SEL1L2: variants seen among roughly 807,000 people sequenced by gnomAD.
The protein encoded by SEL1L2 is protein sel-1 homolog 2.
Under a neutral mutation model 98.8 loss-of-function variants are expected in SEL1L2, and 89 were observed. The ratio of observed to expected loss-of-function variants is 0.90; its 90% CI spans 0.76 to 1.07. SEL1L2 has a LOEUF of 1.07. Among genes scored for constraint, SEL1L2 ranks in the 50% least tolerant of loss-of-function variants. SEL1L2 has a pLI of 0.00. For synonymous variants in SEL1L2, 262 were observed against 278.5 expected, an observed-to-expected ratio of 0.94 and a Z score of 0.59; for missense variants, 788 against 812.0, an observed-to-expected ratio of 0.97 and a Z score of 0.36.
intron 3 of SEL1L2, among the ~76,000 whole-genome samples, chr20:13,930,083 C>T (rs2049076089): frequency 6.6e-6 from 1 of 152,204 alleles, no homozygotes; most frequent in South Asian, 2.1e-4. Context: ...AGGCAATGGC[C>T]ACCGGCCTTC....
intron 2 of SEL1L2, among the ~76,000 whole-genome samples, chr20:13,941,883 C>A (rs952828673): frequency 7.9e-5 from 12 of 152,164 alleles, no homozygotes; most frequent in African/African-American, 2.9e-4. Context: ...TCTTTGCCTG[C>A]CAGTCACTTA....
intron 1 of SEL1L2, among the ~76,000 whole-genome samples, chr20:13,981,996 T>G (rs768365456): frequency 2.6e-5 from 4 of 152,180 alleles, no homozygotes; most frequent in Non-Finnish European, 5.9e-5. Context: ...GGCTTGGTCT[T>G]TATGTGGCCT....
At chr20:13,969,166 G>A (rs2051176750) in intron 1 of SEL1L2, among the ~76,000 whole-genome samples, 1 of 152,220 alleles carries the variant, frequency 6.6e-6, no homozygotes. Context: ...ACTAGTTGAA[G>A]TGGCTGAAAT....
intron 1 of SEL1L2, among the ~76,000 whole-genome samples, chr20:13,988,239 T>A (rs890941458): frequency 2.0e-5 from 3 of 152,242 alleles, no homozygotes; most frequent in African/African-American, 7.2e-5. Flanking sequence ...GTTCTCGCTA[T>A]GTTGACCAGG....
At chr20:13,982,655 C>T (rs2051895866) in intron 1 of SEL1L2, among the ~76,000 whole-genome samples, 1 of 151,440 alleles carries the variant, frequency 6.6e-6, no homozygotes, top group African/African-American at 2.4e-5. Context: ...AGATGGGAGA[C>T]AGGACCCTGG....
In SEL1L2 at chr20:13,859,060, A is replaced by C. The variant is rs57864209; in HGVS notation, c.1818+202T>G. 1.9e-4 allele frequency among the ~76,000 whole-genome samples: 29 copies of C among 152,386 alleles called. No individual in the cohort carries two copies. Among genetic ancestry groups the C allele is most frequent in the African/African-American group, 6.7e-4 (28 of 41,594 alleles). On this transcript the variant is annotated intron_variant, in intron 18 of 19. Transcript: ENST00000284951. ...ACTCACCAGTTATGTCCTTGGCATA[A>C]ATGGAGAAAATAACTTCTATCTCAT... is the stretch of plus-strand genomic sequence containing the variant.
intron 5 of SEL1L2, among the ~76,000 whole-genome samples, chr20:13,895,137 T>C (rs1468769411): frequency 3.3e-5 from 5 of 152,176 alleles, no homozygotes; most frequent in African/African-American, 9.7e-5. Flanking sequence ...AATACAAGAA[T>C]GTTTCAACAT....
At chr20:13,903,560 A>G (rs2047780358) in intron 5 of SEL1L2, among the ~76,000 whole-genome samples, 1 of 152,180 alleles carries the variant, frequency 6.6e-6, no homozygotes, top group African/African-American at 2.4e-5. Flanking sequence ...TGACTAGTCG[A>G]AGAAGTATTT....
At chr20:13,919,551 AACATGAGG>A (rs1211634175) in intron 3 of SEL1L2, among the ~76,000 whole-genome samples, 70 of 152,036 alleles carry the variant, frequency 4.6e-4, no homozygotes, top group Admixed American at 4.6e-3. Context: ...ATTCCAAAAA[AACATGAGG>A]ACATGGGCAA....
intron 5 of SEL1L2, among the ~76,000 whole-genome samples, chr20:13,896,909 C>A (rs1284864487): frequency 6.6e-6 from 1 of 152,052 alleles, no homozygotes; most frequent in Non-Finnish European, 1.5e-5. Flanking sequence ...AAAACCCATC[C>A]TAAAATTTAT....
chr20:13,868,212 A>T (rs1435462249), intron 14 of SEL1L2, among the ~76,000 whole-genome samples: 1 of 151,182 alleles, frequency 6.6e-6, no homozygotes, highest in Non-Finnish European at 1.5e-5. Context: ...CCATTCCCCC[A>T]TACTTAGATT....
At chr20:13,926,519 C>T (rs1555885915) in intron 3 of SEL1L2, among the ~76,000 whole-genome samples, 1 of 151,900 alleles carries the variant, frequency 6.6e-6, no homozygotes, top group Non-Finnish European at 1.5e-5. Context: ...GTTAGATGAT[C>T]CTGCCTTCAT....
chr20:13,961,045 A>G (rs1254959908), intron 1 of SEL1L2, among the ~76,000 whole-genome samples: 2 of 152,190 alleles, frequency 1.3e-5, no homozygotes, highest in Admixed American at 6.5e-5. Flanking sequence ...GATTCTTTAG[A>G]TACTTTATCT....
chr20:13,918,862 T>C (rs2048523088), intron 4 of SEL1L2, among the ~76,000 whole-genome samples, 159 bp downstream of exon 4: 1 of 152,222 alleles, frequency 6.6e-6, no homozygotes, highest in African/African-American at 2.4e-5. Flanking sequence ...ATTTGTGGGA[T>C]TCTTTAAACA....
chr20:13,867,713 T>A (rs1179126218), intron 14 of SEL1L2, among the ~76,000 whole-genome samples: 1 of 152,064 alleles, frequency 6.6e-6, no homozygotes, highest in Non-Finnish European at 1.5e-5. Flanking sequence ...AGTTAAAACA[T>A]ACGAAATGAG....
At chr20:13,977,358 AG>A (rs770586118) in intron 1 of SEL1L2, among the ~76,000 whole-genome samples, 83 of 152,208 alleles carry the variant, frequency 5.5e-4, no homozygotes, top group Non-Finnish European at 1.1e-3. Flanking sequence ...ACAGAGGAAG[AG>A]GGAAAAAGAA....
intron 1 of SEL1L2, among the ~76,000 whole-genome samples, chr20:13,965,659 A>T (rs2148487937): frequency 6.6e-6 from 1 of 152,156 alleles, no homozygotes; most frequent in South Asian, 2.1e-4. Context: ...CTCCTTAAAA[A>T]CCTACAAGTC....
At chr20:13,984,973 G>C (rs553112815) in intron 1 of SEL1L2, among the ~76,000 whole-genome samples, 1 of 151,960 alleles carries the variant, frequency 6.6e-6, no homozygotes, top group East Asian at 1.9e-4. Flanking sequence ...TGCTCTTCTA[G>C]CTATTTGAAA....
At chr20:13,875,148 G>A (rs2046377439) in intron 12 of SEL1L2, among the ~76,000 whole-genome samples, 1 of 152,192 alleles carries the variant, frequency 6.6e-6, no homozygotes, top group African/African-American at 2.4e-5. Flanking sequence ...ACTGGCCCCA[G>A]ACTGCAAAAG....
Sources: allele counts gnomAD v4.1 joint callset (sites outside exome capture counted in the v4.1 genomes callset), GRCh38; gene constraint gnomAD v4.1.1; transcripts MANE v1.5; gene names NCBI Gene and HGNC (gene_info 2026-07-23, HGNC 2026-07-21).